The following GRID2 variants were observed in gnomAD, a reference collection of about 807,000 sequenced individuals.
The protein encoded by GRID2 is glutamate receptor ionotropic, delta-2.
Under a neutral mutation model 114.8 loss-of-function variants are expected in GRID2, and 33 were observed. The ratio of observed to expected loss-of-function variants is 0.29; its 90% CI spans 0.22 to 0.38. GRID2 has a LOEUF of 0.38. Among genes scored for constraint, GRID2 ranks in the 10% least tolerant of loss-of-function variants. The probability of loss-of-function intolerance (pLI) is 1.00; values close to 1 mark genes in which losing one functional copy is unlikely to be tolerated. For missense variants in GRID2, 1,184 were observed against 1,257.7 expected (o/e 0.94, Z 0.89); for synonymous variants, 505 against 449.9 (o/e 1.12, Z -1.55).
chr4:92,741,325 G>A (rs553034727), intron 2 of GRID2, among the ~76,000 whole-genome samples: 12 of 152,148 alleles, frequency 7.9e-5, no homozygotes, highest in South Asian at 6.2e-4. Context: ...TCAGATAATC[G>A]TAATAATTTC....
intron 8 of GRID2, among the ~76,000 whole-genome samples, chr4:93,276,021 T>C (rs1208311692): frequency 6.6e-6 from 1 of 151,946 alleles, no homozygotes; most frequent in Non-Finnish European, 1.5e-5. Flanking sequence ...TAAGAAACCA[T>C]TACTTAACCC....
chr4:92,916,464 C>G (rs1748800838), intron 2 of GRID2, among the ~76,000 whole-genome samples: 1 of 152,106 alleles, frequency 6.6e-6, no homozygotes. Context: ...AACCCATTAA[C>G]TCGTCATTTA....
At chr4:92,344,895 TATCTC>T (rs1163591551) in intron 1 of GRID2, among the ~76,000 whole-genome samples, 5 of 152,154 alleles carry the variant, frequency 3.3e-5, no homozygotes, top group Non-Finnish European at 7.4e-5. Context: ...TAAAAAAAAT[TATCTC>T]AATAGTTTTG....
intron 2 of GRID2, among the ~76,000 whole-genome samples, chr4:93,016,878 T>G (rs530826579): frequency 6.6e-6 from 1 of 152,216 alleles, no homozygotes; most frequent in Non-Finnish European, 1.5e-5. Context: ...GTTTGAAATT[T>G]TGTCTATTTT....
At chr4:93,419,074 C>CTTTTTTTTTTTTTTTTTTT in intron 9 of GRID2, among the ~76,000 whole-genome samples, 1 of 109,530 alleles carries the variant, frequency 9.1e-6, no homozygotes, top group Non-Finnish European at 1.8e-5. Context: ...CATGATTTTC[C>CTTTTTTTTTTTTTTTTTTT]TTTTTTTTTT....
At chr4:92,904,541 G>T (rs1747811158) in intron 2 of GRID2, among the ~76,000 whole-genome samples, 2 of 151,796 alleles carry the variant, frequency 1.3e-5, no homozygotes. Context: ...AGCCCATAGG[G>T]TGACTGTGGC....
At chr4:92,794,874 T>TTATATGTA (rs1553928474) in intron 2 of GRID2, among the ~76,000 whole-genome samples, 1 of 106,052 alleles carries the variant, frequency 9.4e-6, no homozygotes, top group African/African-American at 4.2e-5. Context: ...AATAATTGTT[T>TTATATGTA]TATATATATA....
At chr4:92,393,128 G>T (rs1300401594) in intron 1 of GRID2, among the ~76,000 whole-genome samples, 1 of 152,042 alleles carries the variant, frequency 6.6e-6, no homozygotes, top group Non-Finnish European at 1.5e-5. Context: ...AGAGTGGTGA[G>T]GGCGTTGCCA....
chr4:93,306,711 A>G (rs1166348204), intron 8 of GRID2, among the ~76,000 whole-genome samples: 1 of 152,186 alleles, frequency 6.6e-6, no homozygotes, highest in Non-Finnish European at 1.5e-5. Flanking sequence ...TAATTGATGC[A>G]TTTATGTTTA....
Position 93,524,823 on chromosome 4 carries a change from G to GTGTA in GRID2, c.2193+9413_2193+9414insGTAT, listed in dbSNP as rs1486787585. Among the ~76,000 whole-genome samples, 66 of 59,914 alleles carry GTGTA rather than the reference G, an allele frequency of 1.1e-3. 2 individuals are homozygous for GTGTA. Among genetic ancestry groups the GTGTA allele is most frequent in the South Asian group, 2.7e-3 (4 of 1,466 alleles). 39.3% of individuals were successfully genotyped at this position (59,914 alleles called of 152,430 possible). A position where few individuals can be genotyped will look rare whatever the true frequency, so the allele number is the denominator to read the frequency against. On this transcript the variant is annotated intron_variant, in intron 13 of 15. Transcript: ENST00000282020. ...TATATATATATATATATGTATGTAT[G>GTGTA]TATATATATATATATATATATATAT...
chr4:93,783,772 C>A (rs185425475), intron 1 of GRID2, among the ~76,000 whole-genome samples: 125 of 152,226 alleles, frequency 8.2e-4, no homozygotes, highest in African/African-American at 2.9e-3. Context: ...TAATGAAAAC[C>A]TTAGAAAAAC....
intron 14 of GRID2, among the ~76,000 whole-genome samples, chr4:93,730,389 G>C (rs902058063): frequency 2.6e-5 from 4 of 152,176 alleles, no homozygotes; most frequent in African/African-American, 7.2e-5. Context: ...CATATGGTGT[G>C]AACTAGGTAA....
At chr4:93,712,753 A>G (rs1728592745) in intron 14 of GRID2, among the ~76,000 whole-genome samples, 1 of 152,186 alleles carries the variant, frequency 6.6e-6, no homozygotes, top group Non-Finnish European at 1.5e-5. Flanking sequence ...TGATGCCTTG[A>G]GTTTTTAACA....
At chr4:92,971,398 G>A (rs1046436103) in intron 2 of GRID2, among the ~76,000 whole-genome samples, 2 of 151,880 alleles carry the variant, frequency 1.3e-5, no homozygotes, top group Non-Finnish European at 2.9e-5. Flanking sequence ...AGTTAAAATT[G>A]CTAGTTTTTT....
intron 1 of GRID2, among the ~76,000 whole-genome samples, chr4:93,791,438 G>C (rs1578797223): frequency 6.6e-6 from 1 of 151,996 alleles, no homozygotes; most frequent in Non-Finnish European, 1.5e-5. Context: ...AGTAAGGCAG[G>C]TCTATTTAGA....
intron 2 of GRID2, among the ~76,000 whole-genome samples, chr4:92,920,502 T>C (rs985660793): frequency 6.6e-6 from 1 of 152,212 alleles, no homozygotes; most frequent in Non-Finnish European, 1.5e-5. Context: ...TCCCTTTCTA[T>C]GTTTAGTGCT....
intron 1 of GRID2, among the ~76,000 whole-genome samples, chr4:92,487,206 A>T (rs1722939323): frequency 6.6e-6 from 1 of 152,024 alleles, no homozygotes; most frequent in Non-Finnish European, 1.5e-5. Context: ...TTAAACAGAA[A>T]GTTTAATTCA....
At chr4:93,145,949 T>A (rs1034013625) in intron 4 of GRID2, among the ~76,000 whole-genome samples, 3 of 152,080 alleles carry the variant, frequency 2.0e-5, no homozygotes, top group African/African-American at 7.2e-5. Context: ...TCTCTAGTTT[T>A]TGCCCCTCCT....
At chr4:93,440,570 A>G (rs954057607) in intron 10 of GRID2, among the ~76,000 whole-genome samples, 2 of 152,152 alleles carry the variant, frequency 1.3e-5, no homozygotes, top group Non-Finnish European at 2.9e-5. Context: ...TCCACTGGAT[A>G]TGCATATAGG....
Sources: gnomAD v4.1 joint callset for allele counts (sites outside exome capture counted in the v4.1 genomes callset) on GRCh38, gnomAD v4.1.1 for gene constraint, MANE v1.5 for transcripts, NCBI Gene and HGNC (gene_info 2026-07-23, HGNC 2026-07-21) for gene names.